NLK: variants seen among roughly 807,000 people sequenced by gnomAD.
NLK encodes the protein nemo like kinase.
NLK carries 11 observed loss-of-function variants against 59.0 expected under a neutral mutation model. The observed-to-expected ratio is 0.19, with a 90% confidence interval of 0.12 to 0.31. The LOEUF (loss-of-function observed/expected upper bound fraction) is 0.31. NLK is among the 10% of genes least tolerant of loss of function. The pLI is 1.00. For synonymous variants in NLK, 235 were observed against 235.9 expected (o/e 1.00, Z 0.03); for missense variants, 410 against 661.1 (o/e 0.62, Z 4.16).
rs112878168 is a variant in NLK, at chr17:28,124,658, T to C, written c.588+1926T>C. Reference sequence around the variant, plus strand: ...TATTTCTTGACCTTGCCTTAGTGTGTCACCTCAGCATCAAAGAGTGCAGAC... The same window carrying C: ...TATTTCTTGACCTTGCCTTAGTGTGCCACCTCAGCATCAAAGAGTGCAGAC... On this transcript the variant is annotated intron_variant, in intron 2 of 10. Transcript: ENST00000407008. Among the ~76,000 whole-genome samples, 979 of 152,298 alleles carry C rather than the reference T, an allele frequency of 6.4e-3. 15 individuals are homozygous for C. Among genetic ancestry groups the C allele is most frequent in the African/African-American group, 0.022 (913 of 41,556 alleles).
At position 28,043,114 on chromosome 17, in the gene NLK, G is replaced by A. The variant is rs1908926258; in HGVS notation, c.241G>A (p.Ala81Thr). The A allele has an allele frequency of 7.5e-6, 12 of 1,596,150 alleles. No individual in the cohort carries two copies. Among genetic ancestry groups the A allele is most frequent in the Admixed American group, 1.8e-5 (1 of 55,470 alleles). ...AAAAAAAAAA[A>T]AAMLNPGQQQ... ...TGCGGCAGCCGCAGCAGCGGCTGCAGCTGCAGCCATGTTAAACCCTGGGCA... is the reference window on the plus strand; with the variant it reads ...TGCGGCAGCCGCAGCAGCGGCTGCAACTGCAGCCATGTTAAACCCTGGGCA... The change falls in exon 1 of 11, where the codon GCT (alanine) becomes ACT (threonine). Residue 81 changes from alanine to threonine, a missense_variant. This residue lies in a region of NLK where 160 missense variants were observed against 171.0 expected (regional missense o/e 0.94). Coordinates refer to ENST00000407008, the MANE Select transcript of NLK (RefSeq NM_016231.5).
At chr17:28,073,234 T>C (rs1446143673) in intron 1 of NLK, among the ~76,000 whole-genome samples, 1 of 152,210 alleles carries the variant, frequency 6.6e-6, no homozygotes, top group Non-Finnish European at 1.5e-5. Flanking sequence ...ATTATCGCCC[T>C]CTGCAGAATG....
chr17:28,146,920 A>G (rs1382993482), intron 3 of NLK, among the ~76,000 whole-genome samples: 1 of 152,190 alleles, frequency 6.6e-6, no homozygotes, highest in Non-Finnish European at 1.5e-5. Flanking sequence ...TTCTTACAGT[A>G]ATTAGGAGTA....
chr17:28,081,834 C>A (rs1219164542), intron 1 of NLK, among the ~76,000 whole-genome samples: 2 of 152,318 alleles, frequency 1.3e-5, no homozygotes, highest in East Asian at 3.9e-4. Flanking sequence ...CATCACTGAA[C>A]ACTTGTCAGT....
intron 1 of NLK, among the ~76,000 whole-genome samples, chr17:28,109,404 A>C (rs559053174): frequency 2.0e-5 from 3 of 152,324 alleles, no homozygotes; most frequent in African/African-American, 7.2e-5. Context: ...ATATACCATC[A>C]AATTTACCCA....
chr17:28,108,669 A>G (rs1410623955), intron 1 of NLK, among the ~76,000 whole-genome samples: 1 of 152,278 alleles, frequency 6.6e-6, no homozygotes, highest in Non-Finnish European at 1.5e-5. Context: ...AAACTTTAAT[A>G]GCAAGTATGA....
intron 1 of NLK, among the ~76,000 whole-genome samples, chr17:28,121,220 A>G (rs1243251892): frequency 2.0e-5 from 3 of 150,928 alleles, no homozygotes; most frequent in African/African-American, 7.3e-5. Context: ...CCTAGCCTCA[A>G]ATTTTAAAAT....
At chr17:28,185,952 C>T (rs942669766) in intron 8 of NLK, among the ~76,000 whole-genome samples, 3 of 152,282 alleles carry the variant, frequency 2.0e-5, no homozygotes. Context: ...CCTTTCTGGA[C>T]TTGACTCTTC....
At chr17:28,107,077 G>C (rs927413107) in intron 1 of NLK, among the ~76,000 whole-genome samples, 1 of 152,180 alleles carries the variant, frequency 6.6e-6, no homozygotes, top group Non-Finnish European at 1.5e-5. Flanking sequence ...GCAATAGGAA[G>C]CACAAGAAAA....
At chr17:28,075,449 G>A (rs1039306708) in intron 1 of NLK, among the ~76,000 whole-genome samples, 1 of 152,172 alleles carries the variant, frequency 6.6e-6, no homozygotes, top group Non-Finnish European at 1.5e-5. Flanking sequence ...TGTTAGGCAA[G>A]AACAACTTGT....
At chr17:28,160,664 A>G (rs1446145935) in intron 3 of NLK, among the ~76,000 whole-genome samples, 1 of 152,206 alleles carries the variant, frequency 6.6e-6, no homozygotes, top group African/African-American at 2.4e-5. Context: ...AAGATTGTGG[A>G]GAGACTTAAC....
At chr17:28,160,602 G>C (rs1277640927) in intron 3 of NLK, among the ~76,000 whole-genome samples, 1 of 152,126 alleles carries the variant, frequency 6.6e-6, no homozygotes, top group East Asian at 1.9e-4. Flanking sequence ...ATGGTGGGGA[G>C]GGGTGTTTCA....
At chr17:28,095,740 T>G (rs1904678932) in intron 1 of NLK, among the ~76,000 whole-genome samples, 1 of 152,184 alleles carries the variant, frequency 6.6e-6, no homozygotes, top group East Asian at 1.9e-4. Flanking sequence ...ATGTTTCTGG[T>G]TTTACAAAAG....
At chr17:28,156,972 A>G (rs966939275) in intron 3 of NLK, among the ~76,000 whole-genome samples, 16 of 152,120 alleles carry the variant, frequency 1.1e-4, no homozygotes, top group Admixed American at 3.3e-4. Context: ...AAATTATTCT[A>G]TAAAGAACAT....
chr17:28,045,480 G>A (rs1482603194), intron 1 of NLK, among the ~76,000 whole-genome samples: 2 of 152,076 alleles, frequency 1.3e-5, no homozygotes, highest in African/African-American at 2.4e-5. Context: ...GTGGATGGCC[G>A]TCCTCCTGTG....
intron 1 of NLK, among the ~76,000 whole-genome samples, chr17:28,094,745 G>C (rs992853293): frequency 6.6e-6 from 1 of 152,052 alleles, no homozygotes; most frequent in African/African-American, 2.4e-5. Context: ...GGAATTCTTG[G>C]ATTACAAAAG....
intron 3 of NLK, among the ~76,000 whole-genome samples, chr17:28,148,245 C>G (rs745621135): frequency 4.0e-5 from 6 of 151,576 alleles, no homozygotes; most frequent in African/African-American, 1.5e-4. Flanking sequence ...CCTGCCCCCA[C>G]CCCCCCACAA....
chr17:28,042,729 A>C lies in NLK; in HGVS notation c.-145A>C, dbSNP rs1321043830. ...ACGCTCACCCCAAAATTAAACACCA[A>C]GATCCTCTAACTTGTTTGGATTGAC... On this transcript the variant is annotated 5_prime_UTR_variant, in exon 1 of 11. Transcript: ENST00000407008. The C allele has an allele frequency of 1.4e-6, 1 of 720,692 alleles. No homozygotes were observed. Among genetic ancestry groups the C allele is most frequent in the East Asian group, 2.9e-5 (1 of 34,056 alleles). 44.6% of individuals were successfully genotyped at this position (720,692 alleles called of 1,614,324 possible).
At chr17:28,134,325 C>T (rs986301339) in intron 3 of NLK, among the ~76,000 whole-genome samples, 2 of 152,110 alleles carry the variant, frequency 1.3e-5, no homozygotes, top group East Asian at 1.9e-4. Context: ...CAGCTGAGCC[C>T]GGGAGGTCGA....
Sources: allele counts gnomAD v4.1 joint callset (sites outside exome capture counted in the v4.1 genomes callset), GRCh38; gene constraint gnomAD v4.1.1; regional missense constraint gnomAD v4.1.1; transcripts MANE v1.5; gene names NCBI Gene and HGNC (gene_info 2026-07-23, HGNC 2026-07-21).